The following PDSS2 variants were observed in gnomAD, a reference collection of about 807,000 sequenced individuals.
PDSS2 encodes the protein all trans-polyprenyl-diphosphate synthase PDSS2.
PDSS2 carries 31 observed loss-of-function variants against 44.5 expected under a neutral mutation model. The ratio of observed to expected loss-of-function variants is 0.70; its 90% CI spans 0.52 to 0.94. PDSS2 has a LOEUF of 0.94. Ranked by LOEUF, PDSS2 falls within the 40% of genes least tolerant of loss-of-function variation. PDSS2 has a pLI of 0.00. For missense variants in PDSS2, 452 were observed against 482.2 expected (o/e 0.94, Z 0.59); for synonymous variants, 157 against 180.3 (o/e 0.87, Z 1.03).
intron 7 of PDSS2, among the ~76,000 whole-genome samples, chr6:107,175,231 A>ATC (rs1421455519): frequency 9.4e-5 from 13 of 138,444 alleles, no homozygotes; most frequent in African/African-American, 1.6e-4. Flanking sequence ...AAAAAAAAAG[A>ATC]TCTCTCTCTC....
At chr6:107,196,003 A>T (rs879450199) in intron 6 of PDSS2, among the ~76,000 whole-genome samples, 1 of 152,238 alleles carries the variant, frequency 6.6e-6, no homozygotes, top group Non-Finnish European at 1.5e-5. Context: ...CTATAAAAAG[A>T]GTAAGGTCTT....
At chr6:107,188,670 C>T (rs559720914) in intron 7 of PDSS2, among the ~76,000 whole-genome samples, 16 of 152,130 alleles carry the variant, frequency 1.1e-4, no homozygotes, top group Non-Finnish European at 1.8e-4. Context: ...GGTCTGATCC[C>T]TCATGAATGG....
At chr6:107,455,512 T>C (rs996671976) in intron 1 of PDSS2, among the ~76,000 whole-genome samples, 3 of 151,690 alleles carry the variant, frequency 2.0e-5, no homozygotes, top group African/African-American at 7.3e-5. Flanking sequence ...TTCCAATACG[T>C]TGGGAGGCGG....
chr6:107,282,868 CAAA>C (rs1241936719), intron 2 of PDSS2, among the ~76,000 whole-genome samples: 3 of 73,380 alleles, frequency 4.1e-5, no homozygotes, highest in Non-Finnish European at 2.8e-5. Flanking sequence ...GACTCCGTCT[CAAA>C]AAAAAAAAAA....
Position 107,267,636 on chromosome 6 carries a change from G to C in PDSS2, c.630+6393C>G, listed in dbSNP as rs1775454959. On this transcript the variant is annotated intron_variant, in intron 3 of 7. Coordinates refer to ENST00000369037, the MANE Select transcript of PDSS2 (RefSeq NM_020381.4). ...CAGGGGCTCTATTGCCCAGGCTAGAGAAACAGTGGTGCATTCATAGCTCAA... is the reference window on the plus strand; with the variant it reads ...CAGGGGCTCTATTGCCCAGGCTAGACAAACAGTGGTGCATTCATAGCTCAA... Among the ~76,000 whole-genome samples, 4 of 148,962 alleles carry C rather than the reference G, an allele frequency of 2.7e-5. No individual in the cohort carries two copies. The South Asian group carries it at 8.5e-4, about 32-fold the overall frequency.
intron 2 of PDSS2, among the ~76,000 whole-genome samples, chr6:107,305,295 G>A (rs139884220): frequency 4.6e-5 from 7 of 151,966 alleles, no homozygotes; most frequent in South Asian, 2.1e-4. Context: ...TCTGAGTCCC[G>A]GTCCCCCTCC....
chr6:107,287,767 C>T (rs954502404), intron 2 of PDSS2, among the ~76,000 whole-genome samples: 2 of 152,272 alleles, frequency 1.3e-5, no homozygotes, highest in East Asian at 1.9e-4. Context: ...GGTGATCCAC[C>T]GAATCAGCCT....
chr6:107,198,800 TAAC>T (rs35128756), intron 6 of PDSS2, among the ~76,000 whole-genome samples: 17,405 of 149,280 alleles, frequency 0.12, 1,091 homozygotes, highest in South Asian at 0.19. Flanking sequence ...CTACAAACAA[TAAC>T]AACAACAACA....
At chr6:107,376,264 T>C (rs1277825270) in intron 1 of PDSS2, among the ~76,000 whole-genome samples, 1 of 152,008 alleles carries the variant, frequency 6.6e-6, no homozygotes, top group African/African-American at 2.4e-5. Flanking sequence ...TGGTTCCATA[T>C]GAACTTTAAA....
At chr6:107,216,892 G>A (rs1177282756) in intron 4 of PDSS2, among the ~76,000 whole-genome samples, 1 of 152,108 alleles carries the variant, frequency 6.6e-6, no homozygotes, top group Non-Finnish European at 1.5e-5. Flanking sequence ...TAGATAGAGA[G>A]ACAGACTAGG....
intron 7 of PDSS2, among the ~76,000 whole-genome samples, chr6:107,178,165 A>G (rs1771858400): frequency 6.6e-6 from 1 of 152,208 alleles, no homozygotes; most frequent in Non-Finnish European, 1.5e-5. Flanking sequence ...AGATGAGTTT[A>G]AAACACATTT....
intron 7 of PDSS2, among the ~76,000 whole-genome samples, chr6:107,169,854 G>T (rs2114364838): frequency 6.6e-6 from 1 of 152,258 alleles, no homozygotes; most frequent in East Asian, 1.9e-4. Flanking sequence ...GTCTCAGAGG[G>T]GTACCCGGCC....
At chr6:107,332,633 A>G (rs1194787710) in intron 2 of PDSS2, among the ~76,000 whole-genome samples, 1 of 152,124 alleles carries the variant, frequency 6.6e-6, no homozygotes, top group Non-Finnish European at 1.5e-5. Context: ...AAAACCAACA[A>G]TGAGGTTTGG....
intron 7 of PDSS2, among the ~76,000 whole-genome samples, chr6:107,185,123 T>TAAAAAAAAAAAA (rs11317647): frequency 9.0e-5 from 8 of 88,774 alleles, no homozygotes; most frequent in African/African-American, 1.3e-4. Flanking sequence ...ACCTTATATC[T>TAAAAAAAAAAAA]AAAAAAAAAA....
chr6:107,202,381 C>CA lies in PDSS2; in HGVS notation c.1008+8057dup, dbSNP rs375196020. ...ATACAGTTCAGGCTGGCCATCTCTG[C>CA]AAAAAAAAAACAAACAAAACAAAAC... On this transcript the variant is annotated intron_variant, in intron 6 of 7. Coordinates refer to ENST00000369037, the MANE Select transcript of PDSS2 (RefSeq NM_020381.4). Among the ~76,000 whole-genome samples the CA allele has an allele frequency of 4.1e-3, 572 of 138,592 alleles. 2 individuals are homozygous for CA. Among genetic ancestry groups the CA allele is most frequent in the Non-Finnish European group, 5.6e-3 (354 of 63,600 alleles). 90.9% of individuals were successfully genotyped at this position (138,592 alleles called of 152,430 possible).
rs115832260 is a variant in PDSS2 at position 107,275,645 on chromosome 6, A to G, written c.432-1418T>C. Among the ~76,000 whole-genome samples, 1,360 of 152,252 alleles carry G rather than the reference A, an allele frequency of 8.9e-3. 18 individuals are homozygous for G. The highest frequency in any genetic ancestry group is 0.031 in the African/African-American group (1,293 of 41,546). ...AAGTTGTTTCAAGTCACTAAACTAT[A>G]TGGGTGATTTGCTATGTAGCAACAG... On this transcript the variant is annotated intron_variant, in intron 2 of 7. Transcript: ENST00000369037.
chr6:107,256,243 G>A lies in PDSS2; in HGVS notation c.631-10624C>T, dbSNP rs141479545. Among the ~76,000 whole-genome samples, 765 of 152,120 alleles carry A rather than the reference G, an allele frequency of 5.0e-3. 8 individuals carry two copies. The highest frequency in any genetic ancestry group is 0.017 in the African/African-American group (717 of 41,494). ...TGACCTCAGGTGATCCACCCACCTC[G>A]GCCTCCCAAAGTGCTGGGATTACAG... On this transcript the variant is annotated intron_variant, in intron 3 of 7. Transcript: ENST00000369037.
At chr6:107,357,645 A>G (rs1225862240) in intron 1 of PDSS2, among the ~76,000 whole-genome samples, 1 of 152,166 alleles carries the variant, frequency 6.6e-6, no homozygotes, top group East Asian at 1.9e-4. Flanking sequence ...GAAATCAAAC[A>G]TACCAACCTC....
intron 2 of PDSS2, among the ~76,000 whole-genome samples, chr6:107,291,303 T>C (rs1776336981): frequency 6.6e-6 from 1 of 151,958 alleles, no homozygotes; most frequent in South Asian, 2.1e-4. Context: ...ATTCATCTTA[T>C]TTCATTCTTA....
Sources: allele counts gnomAD v4.1 joint callset (sites outside exome capture counted in the v4.1 genomes callset), GRCh38; gene constraint gnomAD v4.1.1; transcripts MANE v1.5; gene names NCBI Gene and HGNC (gene_info 2026-07-23, HGNC 2026-07-21).